Variants in FIGN observed in about 807,000 individuals in gnomAD.
The protein encoded by FIGN is fidgetin, microtubule severing factor, also known as fidgetin.
A neutral mutation model predicts 51.3 loss-of-function variants in FIGN; 11 were observed. The ratio of observed to expected loss-of-function variants is 0.21; its 90% CI spans 0.13 to 0.35. The LOEUF (loss-of-function observed/expected upper bound fraction) is 0.35, where lower values mean the gene tolerates loss of function less well. Among genes scored for constraint, FIGN ranks in the 10% least tolerant of loss-of-function variants. The pLI, the probability that FIGN is intolerant of heterozygous loss-of-function variation, is 1.00. For synonymous variants in FIGN, 407 were observed against 363.2 expected, an observed-to-expected ratio of 1.12 and a Z score of -1.37; for missense variants, 857 against 943.6, an observed-to-expected ratio of 0.91 and a Z score of 1.20.
intron 2 of FIGN, among the ~76,000 whole-genome samples, chr2:163,636,823 G>A (rs575360199): frequency 4.5e-4 from 69 of 151,910 alleles, no homozygotes; most frequent in African/African-American, 1.5e-3. Flanking sequence ...AATAAAATAA[G>A]ATATTAAGAA....
chr2:163,639,017 T>G (rs954949324), intron 2 of FIGN, among the ~76,000 whole-genome samples: 3 of 152,290 alleles, frequency 2.0e-5, no homozygotes, highest in Admixed American at 6.5e-5. Context: ...TATAGAATTT[T>G]TATGGATTCT....
At chr2:163,714,356 G>C (rs112314906) in intron 2 of FIGN, among the ~76,000 whole-genome samples, 3 of 152,144 alleles carry the variant, frequency 2.0e-5, no homozygotes, top group Non-Finnish European at 4.4e-5. Flanking sequence ...GCATGTTTCT[G>C]TCCTTACAGA....
chr2:163,626,569 C>G (rs1683056918), intron 2 of FIGN, among the ~76,000 whole-genome samples: 1 of 151,986 alleles, frequency 6.6e-6, no homozygotes, highest in Non-Finnish European at 1.5e-5. Flanking sequence ...TTAAAAATAA[C>G]TTTCCATAAT....
At position 163,664,878 on chromosome 2, in the gene FIGN, T is replaced by C. The variant is rs1573936396; in HGVS notation, c.26-53072A>G. ...CTAACATTGCGTCACACCAGTACTA[T>C]GGTCTGTTGATATTTACATGAAGAT... On this transcript the variant is annotated intron_variant, in intron 2 of 2. Coordinates refer to ENST00000333129, the MANE Select transcript of FIGN (RefSeq NM_018086.4). 1.3e-5 allele frequency among the ~76,000 whole-genome samples: 2 copies of C among 152,356 alleles called. 1 individual carries two copies. Among genetic ancestry groups the C allele is most frequent in the East Asian group, 3.9e-4 (2 of 5,188 alleles).
chr2:163,683,116 T>A (rs1226227491), intron 2 of FIGN, among the ~76,000 whole-genome samples: 1 of 152,148 alleles, frequency 6.6e-6, no homozygotes, highest in African/African-American at 2.4e-5. Context: ...GGATATGCCT[T>A]TTGTTGAACA....
chr2:163,715,049 C>T (rs542444727), intron 2 of FIGN, among the ~76,000 whole-genome samples: 4 of 152,276 alleles, frequency 2.6e-5, no homozygotes, highest in Admixed American at 2.6e-4. Context: ...AAATAACACA[C>T]CCTCCTTCAT....
Position 163,663,076 on chromosome 2 carries a change from T to C in FIGN, c.26-51270A>G, listed in dbSNP as rs562594740. ...CAACGATGTTGGCCAGGCTGTTCAC[T>C]GGCTAATTTTTTTTGGTATTTTTTG... On this transcript the variant is annotated intron_variant, in intron 2 of 2. Transcript: ENST00000333129. 3.3e-4 allele frequency among the ~76,000 whole-genome samples: 50 copies of C among 152,114 alleles called. No homozygotes were observed. In the South Asian group the frequency reaches 8.7e-3, roughly 27 times the overall value.
intron 2 of FIGN, among the ~76,000 whole-genome samples, chr2:163,677,907 A>G (rs1452337257): frequency 1.3e-5 from 2 of 152,188 alleles, no homozygotes; most frequent in African/African-American, 4.8e-5. Context: ...TGCAATATAT[A>G]CTGAATAACG....
intron 2 of FIGN, among the ~76,000 whole-genome samples, chr2:163,669,919 G>T (rs1249597094): frequency 2.0e-5 from 3 of 152,054 alleles, no homozygotes; most frequent in African/African-American, 7.3e-5. Context: ...TTAAATTCTC[G>T]ATCGTAACCT....
chr2:163,640,570 G>A (rs529682142), intron 2 of FIGN, among the ~76,000 whole-genome samples: 15 of 152,016 alleles, frequency 9.9e-5, no homozygotes, highest in South Asian at 4.2e-4. Flanking sequence ...CTTAAAAAGC[G>A]ATTTGATTCA....
At chr2:163,623,293 T>G (rs972152619) in intron 2 of FIGN, among the ~76,000 whole-genome samples, 8 of 152,202 alleles carry the variant, frequency 5.3e-5, no homozygotes, top group Admixed American at 1.3e-4. Flanking sequence ...TTATCAAAAC[T>G]AAGTATTATT....
intron 2 of FIGN, among the ~76,000 whole-genome samples, chr2:163,689,006 A>G (rs1305731394): frequency 2.6e-5 from 4 of 152,018 alleles, no homozygotes; most frequent in Non-Finnish European, 5.9e-5. Flanking sequence ...TTGAAAAAAT[A>G]CAAAATTAGC....
intron 2 of FIGN, among the ~76,000 whole-genome samples, chr2:163,712,982 G>T (rs965802588): frequency 6.6e-6 from 1 of 152,172 alleles, no homozygotes; most frequent in East Asian, 1.9e-4. Context: ...CCTAATAAAC[G>T]TATCTGGTCA....
intron 2 of FIGN, among the ~76,000 whole-genome samples, chr2:163,728,109 C>T (rs1216660236): frequency 6.6e-6 from 1 of 152,060 alleles, no homozygotes; most frequent in African/African-American, 2.4e-5. Context: ...GCTAAAATAC[C>T]ACTTTCTAAT....
intron 2 of FIGN, among the ~76,000 whole-genome samples, chr2:163,624,812 G>C (rs1006398722): frequency 4.0e-5 from 6 of 151,170 alleles, no homozygotes; most frequent in African/African-American, 1.5e-4. Flanking sequence ...TTAGGTAACT[G>C]TGTTTAATAA....
intron 2 of FIGN, among the ~76,000 whole-genome samples, chr2:163,656,322 T>C (rs1194015055): frequency 2.6e-5 from 4 of 152,154 alleles, no homozygotes; most frequent in African/African-American, 4.8e-5. Flanking sequence ...AAGGGAGGCA[T>C]TGTGACATGT....
Position 163,609,374 on chromosome 2 carries a change from CT to C in FIGN, c.*177del. Reference sequence around the variant, plus strand: ...ATCTGGGGCTTTCAAATCAGAAGCTCTCATTTGATGCACTTTTCCTCCAAAT... The same window carrying C: ...ATCTGGGGCTTTCAAATCAGAAGCTCCATTTGATGCACTTTTCCTCCAAAT... On this transcript the variant is annotated 3_prime_UTR_variant, in exon 3 of 3. Coordinates refer to ENST00000333129, the MANE Select transcript of FIGN (RefSeq NM_018086.4). The C allele has an allele frequency of 1.6e-6, 1 of 610,022 alleles. No individual in the cohort carries two copies. The highest frequency in any genetic ancestry group is 2.8e-6 in the Non-Finnish European group (1 of 353,284). 37.8% of individuals were successfully genotyped at this position (610,022 alleles called of 1,614,324 possible). A position where few individuals can be genotyped will look rare whatever the true frequency, so the allele number is the denominator to read the frequency against.
chr2:163,617,049 C>G (rs1682890242), intron 2 of FIGN: 4 of 929,906 alleles, frequency 4.3e-6, no homozygotes, highest in Admixed American at 6.2e-5. Flanking sequence ...ACTAATGCAG[C>G]CTTGTCTACT....
At chr2:163,721,249 A>G (rs549151247) in intron 2 of FIGN, among the ~76,000 whole-genome samples, 1 of 152,184 alleles carries the variant, frequency 6.6e-6, no homozygotes, top group Non-Finnish European at 1.5e-5. Context: ...GTAGAATTTT[A>G]AGCCTCTTTT....
Sources: gnomAD v4.1 joint callset for allele counts (sites outside exome capture counted in the v4.1 genomes callset) on GRCh38, gnomAD v4.1.1 for gene constraint, MANE v1.5 for transcripts, NCBI Gene and HGNC (gene_info 2026-07-23, HGNC 2026-07-21) for gene names.